FGF14: variants seen among roughly 807,000 people sequenced by gnomAD.
FGF14 encodes the protein fibroblast growth factor homologous factor 4.
In FGF14, 5 loss-of-function variants were observed where a neutral mutation model predicts 25.5. That is an observed-to-expected ratio of 0.20 (90% CI 0.10 to 0.41). The LOEUF (loss-of-function observed/expected upper bound fraction) is 0.41. FGF14 is among the 10% of genes least tolerant of loss of function. FGF14 has a pLI of 1.00. For synonymous variants in FGF14, 138 were observed against 118.3 expected (o/e 1.17, Z -1.08); for missense variants, 222 against 320.1 (o/e 0.69, Z 2.34).
At chr13:102,168,339 G>A (rs967563915) in intron 1 of FGF14, among the ~76,000 whole-genome samples, 1 of 151,988 alleles carries the variant, frequency 6.6e-6, no homozygotes, top group Non-Finnish European at 1.5e-5. Flanking sequence ...CACCATCCCT[G>A]GCTAATTTTT....
intron 1 of FGF14, among the ~76,000 whole-genome samples, chr13:102,219,374 A>T (rs1411511908): frequency 6.6e-6 from 1 of 152,164 alleles, no homozygotes; most frequent in East Asian, 1.9e-4. Context: ...CCCCAGAGAC[A>T]GAAGAAGGAC....
intron 3 of FGF14, among the ~76,000 whole-genome samples, chr13:101,830,812 T>C (rs1198534599): frequency 6.6e-6 from 1 of 152,102 alleles, no homozygotes; most frequent in East Asian, 1.9e-4. Flanking sequence ...TGTTCCATTT[T>C]GGTGGCTCTA....
chr13:101,792,211 C>T (rs2040275975), intron 3 of FGF14, among the ~76,000 whole-genome samples: 1 of 152,108 alleles, frequency 6.6e-6, no homozygotes, highest in African/African-American at 2.4e-5. Context: ...TTAACAACTA[C>T]AGTGAACTGT....
At chr13:102,138,580 G>C (rs1232811474) in intron 1 of FGF14, among the ~76,000 whole-genome samples, 2 of 136,376 alleles carry the variant, frequency 1.5e-5, no homozygotes, top group Non-Finnish European at 3.2e-5. Context: ...TGCCATCCAA[G>C]GCCAGAGTGG....
chr13:102,158,695 C>T (rs1461660094), intron 1 of FGF14, among the ~76,000 whole-genome samples: 1 of 151,934 alleles, frequency 6.6e-6, no homozygotes, highest in African/African-American at 2.4e-5. Flanking sequence ...TTGAACTGAT[C>T]CAATGGCTTC....
At chr13:102,393,437 A>G (rs2139244603) in intron 1 of FGF14, among the ~76,000 whole-genome samples, 1 of 152,370 alleles carries the variant, frequency 6.6e-6, no homozygotes, top group African/African-American at 2.4e-5. Flanking sequence ...AATAATTCAT[A>G]AATTTCAGAG....
At chr13:101,968,659 C>T (rs1476493792) in intron 1 of FGF14, among the ~76,000 whole-genome samples, 3 of 139,028 alleles carry the variant, frequency 2.2e-5, no homozygotes, top group Admixed American at 7.5e-5. Flanking sequence ...GGCGACAGAG[C>T]GAGACTCCGT....
At chr13:101,724,717 C>T (rs917794866) in intron 4 of FGF14, among the ~76,000 whole-genome samples, 6 of 148,256 alleles carry the variant, frequency 4.0e-5, no homozygotes, top group South Asian at 4.2e-4. Flanking sequence ...TATTTATATT[C>T]GGTATGGGTT....
intron 1 of FGF14, among the ~76,000 whole-genome samples, chr13:102,288,506 G>A (rs530882967): frequency 3.3e-5 from 5 of 151,986 alleles, no homozygotes; most frequent in African/African-American, 1.2e-4. Context: ...GCTTATTTGT[G>A]GAGTAAAATA....
chr13:101,805,183 G>C (rs934354548), intron 3 of FGF14, among the ~76,000 whole-genome samples: 1 of 152,042 alleles, frequency 6.6e-6, no homozygotes, highest in African/African-American at 2.4e-5. Flanking sequence ...AGCCTGATAG[G>C]GTTGAGAAAC....
At chr13:101,844,968 C>T (rs189789843) in intron 3 of FGF14, among the ~76,000 whole-genome samples, 1 of 152,082 alleles carries the variant, frequency 6.6e-6, no homozygotes, top group Non-Finnish European at 1.5e-5. Context: ...AGCTGACTGT[C>T]TCTGGTACTT....
At chr13:101,724,431 C>CCTGTTGTGGGGGGAACATCACACACAG (rs1566819463) in intron 4 of FGF14, among the ~76,000 whole-genome samples, 3 of 146,206 alleles carry the variant, frequency 2.1e-5, no homozygotes, top group Non-Finnish European at 4.5e-5. Flanking sequence ...ATCACACACA[C>CCTGTTGTGGGGGGAACATCACACACAG]GGGCCTGTTG....
chr13:102,111,265 G>C (rs1443538441), intron 1 of FGF14, among the ~76,000 whole-genome samples: 3 of 152,224 alleles, frequency 2.0e-5, no homozygotes, highest in African/African-American at 7.2e-5. Flanking sequence ...TCTTCTACTA[G>C]AGTTAAGCTC....
intron 3 of FGF14, among the ~76,000 whole-genome samples, chr13:101,850,527 CTATATATATATATA>C (rs1326889301): frequency 0.8 from 31,194 of 38,964 alleles, 12,135 homozygotes; most frequent in Middle Eastern, 0.88. Flanking sequence ...ATTATATATT[CTATATATATATATA>C]TATATATATA....
chr13:102,088,981 G>A (rs1366805163), intron 1 of FGF14, among the ~76,000 whole-genome samples: 1 of 152,104 alleles, frequency 6.6e-6, no homozygotes, highest in African/African-American at 2.4e-5. Flanking sequence ...TTCAAAGATT[G>A]TGCTTCTGTA....
intron 1 of FGF14, among the ~76,000 whole-genome samples, chr13:102,061,857 T>C (rs1429783690): frequency 6.6e-6 from 1 of 152,192 alleles, no homozygotes; most frequent in African/African-American, 2.4e-5. Flanking sequence ...GGCTGAAAAC[T>C]TCACTGCTGT....
chr13:101,890,114 G>C (rs1287784543), intron 1 of FGF14, among the ~76,000 whole-genome samples: 1 of 151,996 alleles, frequency 6.6e-6, no homozygotes, highest in Non-Finnish European at 1.5e-5. Flanking sequence ...CAAAACAAAA[G>C]ACATAGCTCC....
chr13:101,716,164 A>G lies in FGF14; in HGVS notation c.*6667T>C, dbSNP rs1327297930. The G allele has an allele frequency of 2.6e-5, 4 of 152,306 alleles. No individual in the cohort carries two copies. Among genetic ancestry groups the G allele is most frequent in the African/African-American group, 9.6e-5 (4 of 41,460 alleles). The allele number at this position is 152,306 out of a possible 1,614,324, so 9.4% of individuals were successfully genotyped here. ...GACCATATTAGAATCTAAGGAAAAC[A>G]TGCATATTCACATTAATTAATCGAT... On this transcript the variant is annotated 3_prime_UTR_variant, in exon 5 of 5. Coordinates refer to ENST00000376143, the MANE Select transcript of FGF14 (RefSeq NM_004115.4).
chr13:102,346,192 C>A (rs1205417283), intron 1 of FGF14, among the ~76,000 whole-genome samples: 1 of 151,932 alleles, frequency 6.6e-6, no homozygotes, highest in Non-Finnish European at 1.5e-5. Context: ...CTTCAGGATT[C>A]AAAAATTGAA....
Sources: allele counts gnomAD v4.1 joint callset (sites outside exome capture counted in the v4.1 genomes callset), GRCh38; gene constraint gnomAD v4.1.1; transcripts MANE v1.5; gene names NCBI Gene and HGNC (gene_info 2026-07-23, HGNC 2026-07-21).